NLGN1: variants seen among roughly 807,000 people sequenced by gnomAD.
NLGN1 encodes the protein neuroligin-1.
In NLGN1, 12 loss-of-function variants were observed where a neutral mutation model predicts 65.5. That is an observed-to-expected ratio of 0.18 (90% CI 0.12 to 0.30). NLGN1 has a LOEUF of 0.30. Ranked by LOEUF, NLGN1 falls within the 10% of genes least tolerant of loss-of-function variation. The pLI, the probability that NLGN1 is intolerant of heterozygous loss-of-function variation, is 1.00. For missense variants in NLGN1, 750 were observed against 1,007.1 expected (o/e 0.74, Z 3.46); for synonymous variants, 350 against 359.5 (o/e 0.97, Z 0.30).
intron 2 of NLGN1, among the ~76,000 whole-genome samples, chr3:173,552,733 G>C (rs1344124301): frequency 2.0e-5 from 3 of 152,122 alleles, no homozygotes; most frequent in African/African-American, 7.2e-5. Context: ...TGAGTCTCTA[G>C]CTGGGCACGC....
At chr3:173,735,661 A>G (rs1773623434) in intron 3 of NLGN1, among the ~76,000 whole-genome samples, 1 of 151,738 alleles carries the variant, frequency 6.6e-6, no homozygotes, top group Admixed American at 6.6e-5. Flanking sequence ...CCCTTTGGGG[A>G]TGAAATTTGC....
intron 4 of NLGN1, among the ~76,000 whole-genome samples, chr3:174,229,971 C>T (rs567717371): frequency 1.3e-5 from 2 of 152,300 alleles, no homozygotes; most frequent in South Asian, 4.1e-4. Flanking sequence ...AATTAAACAT[C>T]TAGAGAAATC....
rs529159187 is a variant in NLGN1, at chr3:173,451,134, C to T, written c.-321+16056C>T. The stretch of plus-strand genomic sequence containing the variant: ...CTGCATTCCTTTGGAGGAGGAGAGG[C>T]GCTCTGATTTTTAGTTTCCAGTTTT... On this transcript the variant is annotated intron_variant, in intron 2 of 6. Coordinates refer to ENST00000457714, the Ensembl canonical transcript of NLGN1. Among the ~76,000 whole-genome samples the T allele has an allele frequency of 2.7e-4, 41 of 152,298 alleles. No individual in the cohort carries two copies. The South Asian group carries it at 4.2e-3, about 15-fold the overall frequency.
chr3:174,094,020 A>G lies in NLGN1; in HGVS notation c.647-181295A>G, dbSNP rs1349203548. On this transcript the variant is annotated intron_variant, in intron 4 of 6. Transcript: ENST00000457714. ...ATTTGGGGAAATTTTTCTTTATTAT[A>G]TAAATCTACAAATCTGAACATAATC... 2.0e-5 allele frequency among the ~76,000 whole-genome samples: 3 copies of G among 152,252 alleles called. No homozygotes were observed. The East Asian group carries it at 5.8e-4, about 29-fold the overall frequency.
chr3:173,662,734 A>C lies in NLGN1; in HGVS notation c.493+57643A>C, dbSNP rs568239128. Among the ~76,000 whole-genome samples, 4 of 152,132 alleles carry C rather than the reference A, an allele frequency of 2.6e-5. No individual in the cohort carries two copies. In the South Asian group the frequency reaches 8.3e-4, roughly 31 times the overall value. ...AAGACATTTTGGCATTCTCAAAATA[A>C]GACATTTTTGGTTGTCACAAATTGG... is the stretch of plus-strand genomic sequence containing the variant. On this transcript the variant is annotated intron_variant, in intron 3 of 6. Transcript: ENST00000457714.
chr3:174,290,351 G>T (rs867781410), downstream of NLGN1, among the ~76,000 whole-genome samples: 2 of 150,654 alleles, frequency 1.3e-5, no homozygotes, highest in South Asian at 2.1e-4. Flanking sequence ...GCATATAAAT[G>T]GAAATACAAA....
chr3:173,836,527 T>C (rs986505166), intron 4 of NLGN1, among the ~76,000 whole-genome samples: 2 of 152,156 alleles, frequency 1.3e-5, no homozygotes, highest in African/African-American at 4.8e-5. Flanking sequence ...CATAATATGC[T>C]CTCACCAATA....
At chr3:173,500,082 C>T (rs747067235) in intron 2 of NLGN1, among the ~76,000 whole-genome samples, 4 of 152,142 alleles carry the variant, frequency 2.6e-5, no homozygotes, top group Admixed American at 1.3e-4. Flanking sequence ...GAACTTCCAA[C>T]ACCATGTTGA....
chr3:173,787,430 T>A (rs1483987750), intron 3 of NLGN1, among the ~76,000 whole-genome samples: 1 of 152,200 alleles, frequency 6.6e-6, no homozygotes, highest in Non-Finnish European at 1.5e-5. Flanking sequence ...GGAGACTAAA[T>A]GGAAATGCAT....
At chr3:173,872,677 G>T (rs993893371) in intron 4 of NLGN1, among the ~76,000 whole-genome samples, 2 of 152,088 alleles carry the variant, frequency 1.3e-5, no homozygotes, top group African/African-American at 4.8e-5. Flanking sequence ...CTATAAGAAT[G>T]ACAGATTTTC....
At chr3:173,975,257 C>T (rs561779864) in intron 4 of NLGN1, among the ~76,000 whole-genome samples, 4 of 151,924 alleles carry the variant, frequency 2.6e-5, no homozygotes, top group Non-Finnish European at 4.4e-5. Context: ...GTGAGTTCAC[C>T]TGGATATTTT....
chr3:173,647,386 A>C (rs897518897), intron 3 of NLGN1, among the ~76,000 whole-genome samples: 2 of 152,222 alleles, frequency 1.3e-5, no homozygotes, highest in East Asian at 3.9e-4. Flanking sequence ...ACAGGAGCAA[A>C]ATACTCATTC....
chr3:174,211,881 A>G (rs1261307445), intron 4 of NLGN1, among the ~76,000 whole-genome samples: 1 of 152,198 alleles, frequency 6.6e-6, no homozygotes. Flanking sequence ...CCACATCCCC[A>G]CCAGACTCAG....
chr3:173,562,482 G>T (rs868139743), intron 2 of NLGN1, among the ~76,000 whole-genome samples: 1 of 151,750 alleles, frequency 6.6e-6, no homozygotes, highest in Admixed American at 6.6e-5. Flanking sequence ...CAGGGGAATC[G>T]CTTGAACCCA....
At chr3:173,702,362 T>A (rs1767356639) in intron 3 of NLGN1, among the ~76,000 whole-genome samples, 1 of 152,124 alleles carries the variant, frequency 6.6e-6, no homozygotes, top group South Asian at 2.1e-4. Context: ...TATGTCCTGC[T>A]AAGTTACAGA....
At chr3:173,790,657 A>G (rs1280611451) in intron 3 of NLGN1, among the ~76,000 whole-genome samples, 1 of 151,880 alleles carries the variant, frequency 6.6e-6, no homozygotes, top group African/African-American at 2.4e-5. Context: ...AGTGCATATC[A>G]TACTAGAAGG....
intron 3 of NLGN1, among the ~76,000 whole-genome samples, chr3:173,613,844 T>G (rs1355762254): frequency 6.6e-6 from 1 of 151,882 alleles, no homozygotes; most frequent in Middle Eastern, 3.2e-3. Flanking sequence ...GAAAAGAAAA[T>G]AAAAGGATCT....
At chr3:173,527,883 G>A (rs1161956579) in intron 2 of NLGN1, among the ~76,000 whole-genome samples, 1 of 152,062 alleles carries the variant, frequency 6.6e-6, no homozygotes, top group Non-Finnish European at 1.5e-5. Flanking sequence ...TGGTGTTGAT[G>A]TTGCTTTAGT....
intron 4 of NLGN1, among the ~76,000 whole-genome samples, chr3:173,870,930 C>T (rs368235091): frequency 3.9e-5 from 6 of 152,244 alleles, no homozygotes; most frequent in African/African-American, 1.4e-4. Context: ...ATATGAGGGT[C>T]CTTTGTTCTA....
Sources: allele counts gnomAD v4.1 joint callset (sites outside exome capture counted in the v4.1 genomes callset), GRCh38; gene constraint gnomAD v4.1.1; transcripts MANE v1.5; gene names NCBI Gene and HGNC (gene_info 2026-07-23, HGNC 2026-07-21).